GRM1: variants seen among roughly 807,000 people sequenced by gnomAD.
The protein encoded by GRM1 is metabotropic glutamate receptor 1.
GRM1 carries 33 observed loss-of-function variants against 90.9 expected under a neutral mutation model. The observed-to-expected ratio is 0.36, with a 90% CI of 0.28 to 0.49. The LOEUF (loss-of-function observed/expected upper bound fraction) is 0.49. GRM1 is among the 20% of genes least tolerant of loss of function. The pLI is 0.99. For missense variants in GRM1, 1,190 were observed against 1,534.3 expected (o/e 0.78, Z 3.75); for synonymous variants, 700 against 613.2 (o/e 1.14, Z -2.09).
intron 1 of GRM1, among the ~76,000 whole-genome samples, chr6:146,074,861 G>A (rs1260757258): frequency 6.6e-6 from 1 of 152,152 alleles, no homozygotes; most frequent in African/African-American, 2.4e-5. Context: ...ACAAGTTAGA[G>A]AAGTCCAAAA....
chr6:146,209,152 C>G (rs6903092), intron 2 of GRM1, among the ~76,000 whole-genome samples: 1 of 151,972 alleles, frequency 6.6e-6, no homozygotes, highest in South Asian at 2.1e-4. Flanking sequence ...GTTGGCATGA[C>G]CAGGACTGAA....
intron 1 of GRM1, among the ~76,000 whole-genome samples, chr6:146,116,328 G>A (rs1775745729): frequency 6.6e-6 from 1 of 152,026 alleles, no homozygotes. Flanking sequence ...TAAGGAATTA[G>A]CCTTGAATTT....
At chr6:146,342,468 C>G (rs559712670) in intron 3 of GRM1, among the ~76,000 whole-genome samples, 2 of 152,270 alleles carry the variant, frequency 1.3e-5, no homozygotes, top group East Asian at 3.9e-4. Context: ...AGTAACTAAG[C>G]AAGAGACAGA....
chr6:146,087,979 A>C (rs1369111475), intron 1 of GRM1, among the ~76,000 whole-genome samples: 1 of 152,186 alleles, frequency 6.6e-6, no homozygotes, highest in Non-Finnish European at 1.5e-5. Context: ...GCTCATTTGC[A>C]TGCTGAGTAT....
intron 1 of GRM1, among the ~76,000 whole-genome samples, chr6:146,106,646 A>G (rs971540119): frequency 1.3e-5 from 2 of 152,240 alleles, no homozygotes; most frequent in Admixed American, 6.5e-5. Flanking sequence ...TGTATTCAGC[A>G]GCCTGAAGGT....
At chr6:146,124,689 T>A (rs1776130050) in intron 1 of GRM1, among the ~76,000 whole-genome samples, 2 of 152,146 alleles carry the variant, frequency 1.3e-5, no homozygotes, top group South Asian at 4.1e-4. Context: ...ACAATAAACA[T>A]TTCTGGAAAA....
chr6:146,344,741 T>C (rs1785109039), intron 3 of GRM1, among the ~76,000 whole-genome samples: 1 of 152,202 alleles, frequency 6.6e-6, no homozygotes, highest in African/African-American at 2.4e-5. Flanking sequence ...CTACATAAAG[T>C]ACCAACTAAT....
intron 3 of GRM1, among the ~76,000 whole-genome samples, chr6:146,343,763 C>T (rs547922909): frequency 5.9e-4 from 90 of 152,008 alleles, no homozygotes; most frequent in African/African-American, 2.0e-3. Context: ...GCCTGCCTCC[C>T]GGATTCAAGC....
chr6:146,404,584 C>T (rs961620015), intron 7 of GRM1, among the ~76,000 whole-genome samples: 2 of 152,072 alleles, frequency 1.3e-5, no homozygotes, highest in African/African-American at 4.8e-5. Flanking sequence ...AGAAATTGTG[C>T]TATGCTAGAC....
chr6:146,412,650 T>C (rs1294098196), intron 7 of GRM1, among the ~76,000 whole-genome samples: 1 of 152,244 alleles, frequency 6.6e-6, no homozygotes, highest in Non-Finnish European at 1.5e-5. Context: ...CAGAAATTCA[T>C]AGATGGCTCA....
At chr6:146,379,772 A>G (rs971392258) in intron 5 of GRM1, among the ~76,000 whole-genome samples, 1 of 152,094 alleles carries the variant, frequency 6.6e-6, no homozygotes, top group African/African-American at 2.4e-5. Flanking sequence ...TCCAAGCTGT[A>G]TCTGCTTTAA....
At chr6:146,132,990 C>T (rs1418048182) in intron 1 of GRM1, among the ~76,000 whole-genome samples, 1 of 152,158 alleles carries the variant, frequency 6.6e-6, no homozygotes, top group Non-Finnish European at 1.5e-5. Context: ...CTTTCTATGT[C>T]CTCTGGTGAT....
At chr6:146,329,683 T>C (rs1386823968) in intron 3 of GRM1, among the ~76,000 whole-genome samples, 1 of 152,186 alleles carries the variant, frequency 6.6e-6, no homozygotes, top group African/African-American at 2.4e-5. Context: ...AAGTTGAAAG[T>C]ACTATAAATC....
At chr6:146,166,611 C>T (rs62434321) in intron 2 of GRM1, among the ~76,000 whole-genome samples, 1 of 152,124 alleles carries the variant, frequency 6.6e-6, no homozygotes, top group Non-Finnish European at 1.5e-5. Context: ...GCCTACTGAC[C>T]TGCCCTCTGA....
At chr6:146,218,296 T>C (rs931780412) in intron 2 of GRM1, among the ~76,000 whole-genome samples, 12 of 152,236 alleles carry the variant, frequency 7.9e-5, no homozygotes, top group African/African-American at 2.9e-4. Context: ...ATGATTCTTT[T>C]ACATCCCTTT....
At chr6:146,089,606 T>C (rs954769250) in intron 1 of GRM1, among the ~76,000 whole-genome samples, 2 of 152,150 alleles carry the variant, frequency 1.3e-5, no homozygotes, top group African/African-American at 4.8e-5. Flanking sequence ...TATTCATATA[T>C]CTTTATATAT....
intron 1 of GRM1, among the ~76,000 whole-genome samples, chr6:146,120,132 A>T (rs1775923977): frequency 6.6e-6 from 1 of 152,148 alleles, no homozygotes; most frequent in African/African-American, 2.4e-5. Flanking sequence ...AGTGCTTTGT[A>T]GTTCTACTTG....
At chr6:146,259,018 C>T (rs1196045136) in intron 2 of GRM1, among the ~76,000 whole-genome samples, 1 of 152,148 alleles carries the variant, frequency 6.6e-6, no homozygotes, top group East Asian at 1.9e-4. Flanking sequence ...TCTTGCCTGG[C>T]TGTACTCCTG....
rs370078805 is a variant in GRM1, at chr6:146,247,779, G to GGT, written c.951-56807_951-56806dup. ...AAAAAAAAAAAAAGGAAATGTGTGTGGTGTGTGTGTGTGTGTGTGTGTGTG... is the reference window on the plus strand; with the variant it reads ...AAAAAAAAAAAAAGGAAATGTGTGTGGTGTGTGTGTGTGTGTGTGTGTGTGTG... On this transcript the variant is annotated intron_variant, in intron 2 of 7. Transcript: ENST00000282753. 6.9e-3 allele frequency among the ~76,000 whole-genome samples: 949 copies of GGT among 137,032 alleles called. 6 individuals are homozygous for GGT. Among genetic ancestry groups the GGT allele is most frequent in the East Asian group, 0.014 (67 of 4,850 alleles). 89.9% of individuals were successfully genotyped at this position (137,032 alleles called of 152,430 possible). A position where few individuals can be genotyped will look rare whatever the true frequency, so the allele number is the denominator to read the frequency against.
Sources: gnomAD v4.1 joint callset for allele counts (sites outside exome capture counted in the v4.1 genomes callset) on GRCh38, gnomAD v4.1.1 for gene constraint, MANE v1.5 for transcripts, NCBI Gene and HGNC (gene_info 2026-07-23, HGNC 2026-07-21) for gene names.